DHTKD1: variants seen among roughly 807,000 people sequenced by gnomAD.
The protein encoded by DHTKD1 is 2-oxoadipate dehydrogenase complex component E1.
In DHTKD1, 78 loss-of-function variants were observed where a neutral mutation model predicts 101.8. The ratio of observed to expected loss-of-function variants is 0.77; its 90% CI spans 0.64 to 0.93. The LOEUF is 0.93. Ranked by LOEUF, DHTKD1 falls within the 40% of genes least tolerant of loss-of-function variation. The probability of loss-of-function intolerance (pLI) is 0.00; values close to 1 mark genes in which losing one functional copy is unlikely to be tolerated. For synonymous variants in DHTKD1, 462 were observed against 450.3 expected, an observed-to-expected ratio of 1.03 and a Z score of -0.33; for missense variants, 1,223 against 1,161.7, an observed-to-expected ratio of 1.05 and a Z score of -0.77.
chr10:12,119,318 A>G (rs1240711835), intron 15 of DHTKD1, among the ~76,000 whole-genome samples: 1 of 149,592 alleles, frequency 6.7e-6, no homozygotes, highest in East Asian at 2.0e-4. Flanking sequence ...ACACAAAAAC[A>G]TGAAAATTTG....
intron 4 of DHTKD1, 42 bp from the exon 5 acceptor site, chr10:12,088,944 T>A: frequency 6.4e-7 from 1 of 1,571,996 alleles, no homozygotes; most frequent in African/African-American, 1.3e-5. Context: ...GACTCCATTG[T>A]GATGAATGCC....
intron 8 of DHTKD1, 41 bp from the exon 9 acceptor site, chr10:12,100,137 C>A: frequency 8.4e-7 from 1 of 1,197,380 alleles, no homozygotes; most frequent in Non-Finnish European, 1.2e-6. Flanking sequence ...AGGAAATGGA[C>A]TCTTAGACGT....
rs1156942794 is a variant in DHTKD1 at position 12,118,422 on chromosome 10, G to T, written c.2403-327G>T. ...TTTTGAGGTTGAGTCTTGCTCTGTC[G>T]CCCAGGCTGGAGTGCAGTGGCACGA... is the stretch of plus-strand genomic sequence containing the variant. On this transcript the variant is annotated intron_variant, in intron 14 of 16. Transcript: ENST00000263035. Among the ~76,000 whole-genome samples the T allele has an allele frequency of 2.1e-5, 3 of 143,032 alleles. No homozygotes were observed. The Admixed American group carries it at 2.2e-4, about 10-fold the overall frequency. The allele number at this position is 143,032 out of a possible 152,430, so 93.8% of individuals were successfully genotyped here.
At chr10:12,101,296 A>T in intron 10 of DHTKD1, 115 bp downstream of exon 10, 1 of 1,183,612 alleles carries the variant, frequency 8.4e-7, no homozygotes, top group Non-Finnish European at 1.2e-6. Flanking sequence ...TTTTGGAAGT[A>T]AAGGAGTGCT....
Position 12,091,517 on chromosome 10 carries a change from A to T in DHTKD1, c.992A>T (p.His331Leu). 1.9e-6 allele frequency: 3 copies of T among 1,595,580 alleles called. No individual in the cohort carries two copies. Among genetic ancestry groups the T allele is most frequent in the Non-Finnish European group, 2.6e-6 (3 of 1,170,374 alleles). ...TCCCCTTGCCTCATGATTTAGGTCCATGGTGATGCTTCTTTCTGTGGTCAA... is the reference window on the plus strand; with the variant it reads ...TCCCCTTGCCTCATGATTTAGGTCCTTGGTGATGCTTCTTTCTGTGGTCAA... Reference protein sequence around the residue: ...PGDRVICLQVHGDASFCGQGI... With the variant: ...PGDRVICLQVLGDASFCGQGI... Residue 331 changes from histidine to leucine, a missense_variant, in exon 6 of 17, where the codon CAT (histidine) becomes CTT (leucine). Physicochemically the swap from His to Leu is moderately conservative, Grantham distance 99 (BLOSUM62 -3). Coordinates refer to ENST00000263035, the MANE Select transcript of DHTKD1 (RefSeq NM_018706.7).
At chr10:12,080,931 G>A (rs1287054531) in intron 1 of DHTKD1, among the ~76,000 whole-genome samples, 1 of 151,902 alleles carries the variant, frequency 6.6e-6, no homozygotes. Flanking sequence ...GCCAGATGTG[G>A]TGGTGCACGC....
rs1202465642 is a variant in DHTKD1, at chr10:12,122,935, T to C, written c.*2047T>C. ...ACTTTTACCAGCAACTGATCATGTCTTTCAGAATCCATGTACATATAGGCT... is the reference window on the plus strand; with the variant it reads ...ACTTTTACCAGCAACTGATCATGTCCTTCAGAATCCATGTACATATAGGCT... On this transcript the variant is annotated 3_prime_UTR_variant, in exon 17 of 17. Transcript: ENST00000263035. 1 of 152,230 alleles carries C rather than the reference T, an allele frequency of 6.6e-6. No individual in the cohort carries two copies. Among genetic ancestry groups the C allele is most frequent in the Non-Finnish European group, 1.5e-5 (1 of 68,050 alleles). The allele number at this position is 152,230 out of a possible 1,614,324, so 9.4% of individuals were successfully genotyped here.
Position 12,079,487 on chromosome 10 carries a change from G to C in DHTKD1, c.155-1985G>C, listed in dbSNP as rs543197142. ...GATCGAGACCATCCTGGCCAACATA[G>C]TGAAACCCCATCTCTACTAAAATAC... On this transcript the variant is annotated intron_variant, in intron 1 of 16. Coordinates refer to ENST00000263035, the MANE Select transcript of DHTKD1 (RefSeq NM_018706.7). Among the ~76,000 whole-genome samples, 7 of 152,162 alleles carry C rather than the reference G, an allele frequency of 4.6e-5. No individual in the cohort carries two copies. The South Asian group carries it at 1.5e-3, about 32-fold the overall frequency.
chr10:12,084,523 T>A lies in DHTKD1; in HGVS notation c.311-17T>A. The stretch of plus-strand genomic sequence containing the variant: ...ATGATTATTTTTTAAGATGACCCCT[T>A]TGATTGTATTTCACAGGATTATTGA... On this transcript the variant is annotated splice_polypyrimidine_tract_variant and intron_variant, in intron 2 of 16. Transcript: ENST00000263035. The A allele has an allele frequency of 2.0e-6, 3 of 1,492,242 alleles. No homozygotes were observed. The highest frequency in any genetic ancestry group is 2.8e-6 in the Non-Finnish European group (3 of 1,069,496). The allele number at this position is 1,492,242 out of a possible 1,614,324, so 92.4% of individuals were successfully genotyped here.
intron 6 of DHTKD1, among the ~76,000 whole-genome samples, chr10:12,092,404 A>C (rs1833005083): frequency 6.6e-6 from 1 of 152,198 alleles, no homozygotes; most frequent in African/African-American, 2.4e-5. Flanking sequence ...CAATGAGTAC[A>C]ACACCAGAGT....
At chr10:12,104,232 GC>G (rs1352249736) in intron 10 of DHTKD1, among the ~76,000 whole-genome samples, 1 of 152,156 alleles carries the variant, frequency 6.6e-6, no homozygotes, top group African/African-American at 2.4e-5. Context: ...AGGCTGGAGT[GC>G]AGTGGCGCAA....
At chr10:12,112,867 C>T (rs1394367030) in intron 12 of DHTKD1, 33 bp from the exon 13 acceptor site, 1 of 1,570,062 alleles carries the variant, frequency 6.4e-7, no homozygotes, top group Non-Finnish European at 8.6e-7. Flanking sequence ...ATGATCTGAA[C>T]ATTCTTCTCC....
chr10:12,077,894 G>T (rs1034324852), intron 1 of DHTKD1, among the ~76,000 whole-genome samples: 2 of 151,880 alleles, frequency 1.3e-5, no homozygotes, highest in Non-Finnish European at 2.9e-5. Context: ...AGAGGGAAGG[G>T]GTTGGAGATA....
At position 12,087,684 on chromosome 10, in the gene DHTKD1, A is replaced by T; in HGVS notation, c.672A>T (p.Arg224Ser). 2 of 1,611,246 alleles carry T rather than the reference A, an allele frequency of 1.2e-6. No homozygotes were observed. Among genetic ancestry groups the T allele is most frequent in the Non-Finnish European group, 1.7e-6 (2 of 1,178,948 alleles). Residue 224 changes from arginine (R) to serine (S), a missense_variant, in exon 4 of 17, where the codon AGA becomes AGT. Arg to Ser is a moderately radical substitution (Grantham distance 110). Transcript: ENST00000263035. This position sits in a 1 kb window ranked among gnomAD's most constrained non-coding sequence, Gnocchi z 5.2. ...ITDVIIGMPH[R>S]GRLNLLTGLL... ...ATGTCATTATTGGGATGCCCCATAG[A>T]GGGAGGCTGAATTTATTGACAGGCC...
intron 13 of DHTKD1, among the ~76,000 whole-genome samples, chr10:12,114,855 CT>C (rs1833389993): frequency 6.6e-6 from 1 of 151,608 alleles, no homozygotes; most frequent in African/African-American, 2.4e-5. Context: ...GAGTGCAGTG[CT>C]GCGATCTCGG....
intron 7 of DHTKD1, 63 bp from the exon 8 acceptor site, chr10:12,097,621 T>C: frequency 1.4e-6 from 2 of 1,436,464 alleles, no homozygotes; most frequent in Non-Finnish European, 1.9e-6. Flanking sequence ...ACAGTGACTC[T>C]CCTTGTCTCT....
intron 15 of DHTKD1, 133 bp from the exon 16 acceptor site, chr10:12,120,047 TAC>T (rs1833499786): frequency 1.5e-6 from 1 of 672,476 alleles, no homozygotes; most frequent in South Asian, 1.7e-5. Context: ...GTACTTGAAG[TAC>T]AGTTTCTAGT....
chr10:12,105,752 T>A (rs1588615360), intron 10 of DHTKD1, among the ~76,000 whole-genome samples: 1 of 152,160 alleles, frequency 6.6e-6, no homozygotes, highest in Non-Finnish European at 1.5e-5. Context: ...TTGTCCCAAC[T>A]TTTCTCATCT....
At chr10:12,080,567 C>T (rs536259281) in intron 1 of DHTKD1, among the ~76,000 whole-genome samples, 29 of 149,550 alleles carry the variant, frequency 1.9e-4, no homozygotes, top group African/African-American at 5.9e-4. Context: ...AAACATTAGC[C>T]GGGCGTGGTG....
Sources: allele counts gnomAD v4.1 joint callset (sites outside exome capture counted in the v4.1 genomes callset), GRCh38; gene constraint gnomAD v4.1.1; non-coding constraint Gnocchi (gnomAD v3.1); transcripts MANE v1.5; gene names NCBI Gene and HGNC (gene_info 2026-07-23, HGNC 2026-07-21).